FBXL4: variants seen among roughly 807,000 people sequenced by gnomAD.
FBXL4 encodes the protein F-box and leucine rich repeat protein 4.
A neutral mutation model predicts 58.9 loss-of-function variants in FBXL4; 40 were observed. That is an observed-to-expected ratio of 0.68 (90% CI 0.53 to 0.88). FBXL4 has a LOEUF of 0.88. Among genes scored for constraint, FBXL4 ranks in the 40% least tolerant of loss-of-function variants. The pLI is 0.00. For missense variants in FBXL4, 676 were observed against 734.4 expected (o/e 0.92, Z 0.92); for synonymous variants, 263 against 265.5 (o/e 0.99, Z 0.09).
chr6:98,913,003 CA>C (rs1023094117), intron 5 of FBXL4, among the ~76,000 whole-genome samples: 31 of 151,052 alleles, frequency 2.1e-4, no homozygotes, highest in African/African-American at 6.6e-4. Context: ...AAATGGAAAA[CA>C]AAAAAAGGCA....
chr6:98,877,582 C>A (rs1770703206), intron 8 of FBXL4, among the ~76,000 whole-genome samples: 1 of 152,096 alleles, frequency 6.6e-6, no homozygotes. Context: ...ACTATAATTC[C>A]TTCTAAATTT....
At chr6:98,893,818 G>C (rs532056315) in intron 7 of FBXL4, among the ~76,000 whole-genome samples, 137 of 151,826 alleles carry the variant, frequency 9.0e-4, no homozygotes, top group African/African-American at 3.3e-3. Context: ...TTCTCTGTAA[G>C]TCGGAAATTA....
At chr6:98,877,657 T>C (rs1048640877) in intron 8 of FBXL4, among the ~76,000 whole-genome samples, 2 of 152,176 alleles carry the variant, frequency 1.3e-5, no homozygotes, top group East Asian at 3.8e-4. Context: ...TTATTCATTA[T>C]CTAATTTTAA....
chr6:98,899,424 A>G lies in FBXL4; in HGVS notation c.1161T>C (p.Phe387=). ...LVRLELSCSH[F]LNETCLEVIS... ...TAACTTCTAAGCAAGTTTCATTAAGAAAGTGGCTGCAAGACAATTCAAGGC... is the reference window on the plus strand; with the variant it reads ...TAACTTCTAAGCAAGTTTCATTAAGGAAGTGGCTGCAAGACAATTCAAGGC... Residue 387 remains phenylalanine, a synonymous_variant, in exon 7 of 10, where the codon TTT becomes TTC. Transcript: ENST00000369244. 1.2e-6 allele frequency: 2 copies of G among 1,614,016 alleles called. No individual in the cohort carries two copies. The highest frequency in any genetic ancestry group is 1.1e-5 in the South Asian group (1 of 91,086).
In FBXL4 at chr6:98,868,645, C is replaced by T. The variant is rs1041214232; in HGVS notation, c.*5633G>A. On this transcript the variant is annotated 3_prime_UTR_variant, in exon 10 of 10. Coordinates refer to ENST00000369244, the MANE Select transcript of FBXL4 (RefSeq NM_001278716.2). ...GTAAATAAAATTAAAATATCTCAGTCGTCTGTACAGACAACTTCATTTGTA... is the reference window on the plus strand; with the variant it reads ...GTAAATAAAATTAAAATATCTCAGTTGTCTGTACAGACAACTTCATTTGTA... 6 of 152,082 alleles carry T rather than the reference C, an allele frequency of 3.9e-5. No homozygotes were observed. The highest frequency in any genetic ancestry group is 2.1e-4 in the South Asian group (1 of 4,824). 9.4% of individuals were successfully genotyped at this position (152,082 alleles called of 1,614,324 possible). A position where few individuals can be genotyped will look rare whatever the true frequency, so the allele number is the denominator to read the frequency against.
At chr6:98,903,047 A>G (rs921986745) in intron 6 of FBXL4, among the ~76,000 whole-genome samples, 1 of 152,150 alleles carries the variant, frequency 6.6e-6, no homozygotes. Flanking sequence ...TTAAGCAACA[A>G]AAATAAACTG....
intron 4 of FBXL4, 137 bp downstream of exon 4, chr6:98,926,340 C>T: frequency 1.2e-6 from 1 of 853,102 alleles, no homozygotes; most frequent in Non-Finnish European, 1.8e-6. Flanking sequence ...TCTTCCCCAT[C>T]AGAAAACTAA....
chr6:98,905,501 C>G lies in FBXL4; in HGVS notation c.1028G>C (p.Arg343Pro). 6.2e-7 allele frequency: 1 copy of G among 1,613,914 alleles called. No homozygotes were observed. Among genetic ancestry groups the G allele is most frequent in the Non-Finnish European group, 8.5e-7 (1 of 1,179,950 alleles). ...ATTAAGCCACTGGACAAGAGTGCAG[C>G]GAGACTGTAGAAATTCCAGAGAAGT... is the stretch of plus-strand genomic sequence containing the variant. Reference protein sequence around the residue: ...DDTSLEFLQSRCTLVQWLNLS... With the variant: ...DDTSLEFLQSPCTLVQWLNLS... Residue 343 changes from arginine (R) to proline (P), a missense_variant, in exon 6 of 10, where the codon CGC (arginine) becomes CCC (proline). Physicochemically the swap from Arg to Pro is moderately radical, Grantham distance 103. Transcript: ENST00000369244.
chr6:98,917,803 G>A (rs1772428022), intron 4 of FBXL4, 84 bp from the exon 5 acceptor site: 1 of 874,440 alleles, frequency 1.1e-6, no homozygotes, highest in Non-Finnish European at 1.7e-6. Flanking sequence ...TGCCCAATAT[G>A]TCACAGTGTG....
At chr6:98,929,989 A>T (rs1347318466) in intron 2 of FBXL4, among the ~76,000 whole-genome samples, 2 of 152,230 alleles carry the variant, frequency 1.3e-5, no homozygotes, top group Non-Finnish European at 2.9e-5. Flanking sequence ...CCAAAAACTG[A>T]AAAAAGAAAA....
chr6:98,946,707 A>C (rs1773631266), intron 1 of FBXL4, among the ~76,000 whole-genome samples: 1 of 152,228 alleles, frequency 6.6e-6, no homozygotes, highest in South Asian at 2.1e-4. Context: ...TTGGCGCAGA[A>C]GTTTAAAACA....
At chr6:98,935,154 TTC>T (rs768401798) in intron 1 of FBXL4, among the ~76,000 whole-genome samples, 3 of 152,076 alleles carry the variant, frequency 2.0e-5, no homozygotes, top group East Asian at 3.9e-4. Flanking sequence ...GCAGAATATG[TTC>T]TTTCTTTCCT....
chr6:98,904,733 A>G (rs1331804491), intron 6 of FBXL4, among the ~76,000 whole-genome samples: 20 of 152,184 alleles, frequency 1.3e-4, no homozygotes, highest in Admixed American at 1.3e-3. Flanking sequence ...TATATGTAAC[A>G]TACAATGAGA....
At chr6:98,910,718 C>G (rs190301647) in intron 5 of FBXL4, among the ~76,000 whole-genome samples, 3 of 151,858 alleles carry the variant, frequency 2.0e-5, no homozygotes, top group South Asian at 2.1e-4. Context: ...CGAATAGGAA[C>G]AGCTCGAGTC....
At chr6:98,919,668 C>T (rs1429075780) in intron 4 of FBXL4, among the ~76,000 whole-genome samples, 8 of 152,148 alleles carry the variant, frequency 5.3e-5, no homozygotes, top group Admixed American at 3.3e-4. Context: ...GATTTGAATA[C>T]TCTAATGTAA....
chr6:98,926,556 T>C lies in FBXL4; in HGVS notation c.433A>G (p.Thr145Ala), dbSNP rs1179798985. ...CTAATGACTGCTCCGGGATGATAGG[T>C]TTCTAGAACATGTACAGCTGTAGGA... ...VYPTAVHVLE[T>A]YHPGAVIRIL... Residue 145 changes from threonine to alanine, a missense_variant, in exon 4 of 10, where the codon ACC (threonine) becomes GCC (alanine). Thr to Ala is a moderately conservative substitution (Grantham distance 58, BLOSUM62 0). Transcript: ENST00000369244. 1.2e-6 allele frequency: 2 copies of C among 1,613,946 alleles called. No individual in the cohort carries two copies. Among genetic ancestry groups the C allele is most frequent in the Non-Finnish European group, 1.7e-6 (2 of 1,180,002 alleles).
intron 7 of FBXL4, among the ~76,000 whole-genome samples, chr6:98,881,050 T>C (rs765799316): frequency 7.9e-5 from 12 of 152,164 alleles, no homozygotes; most frequent in South Asian, 4.1e-4. Flanking sequence ...GCTGCAGCTC[T>C]GACATTCACT....
At chr6:98,908,151 A>G (rs1245634214) in intron 5 of FBXL4, among the ~76,000 whole-genome samples, 1 of 152,212 alleles carries the variant, frequency 6.6e-6, no homozygotes, top group Non-Finnish European at 1.5e-5. Context: ...AACATTAAAG[A>G]AAGGTCTAAA....
intron 7 of FBXL4, among the ~76,000 whole-genome samples, chr6:98,889,189 C>A (rs1264752107): frequency 6.6e-6 from 1 of 152,180 alleles, no homozygotes; most frequent in Non-Finnish European, 1.5e-5. Context: ...AACTGTAAAG[C>A]ATGCTTATAG....
Sources: allele counts gnomAD v4.1 joint callset (sites outside exome capture counted in the v4.1 genomes callset), GRCh38; gene constraint gnomAD v4.1.1; transcripts MANE v1.5; gene names NCBI Gene and HGNC (gene_info 2026-07-23, HGNC 2026-07-21).